Variants in TENT2 observed in about 807,000 individuals in gnomAD.
The protein encoded by TENT2 is terminal nucleotidyltransferase 2, also known as poly(A) RNA polymerase GLD2.
In TENT2, 44 loss-of-function variants were observed where a neutral mutation model predicts 72.2. The observed-to-expected ratio is 0.61, with a 90% CI of 0.48 to 0.78. TENT2 has a LOEUF of 0.78. Among genes scored for constraint, TENT2 ranks in the 30% least tolerant of loss-of-function variants. The probability of loss-of-function intolerance (pLI) is 0.00; values close to 1 mark genes in which losing one functional copy is unlikely to be tolerated. For missense variants in TENT2, 541 were observed against 569.6 expected, an observed-to-expected ratio of 0.95 and a Z score of 0.51; for synonymous variants, 212 against 192.5, an observed-to-expected ratio of 1.10 and a Z score of -0.84.
At chr5:79,660,216 CTG>C (rs142736764) in intron 11 of TENT2, among the ~76,000 whole-genome samples, 2,772 of 152,148 alleles carry the variant, frequency 0.018, 94 homozygotes, top group African/African-American at 0.061. Context: ...TCTCTAAAAA[CTG>C]TATTATAGTA....
intron 11 of TENT2, among the ~76,000 whole-genome samples, chr5:79,668,008 G>C (rs1352788113): frequency 1.3e-5 from 2 of 149,356 alleles, no homozygotes; most frequent in African/African-American, 4.9e-5. Flanking sequence ...AACCATCCTT[G>C]ATGGCACTGT....
intron 11 of TENT2, among the ~76,000 whole-genome samples, chr5:79,662,509 C>T (rs1027754165): frequency 6.6e-6 from 1 of 152,090 alleles, no homozygotes; most frequent in Non-Finnish European, 1.5e-5. Flanking sequence ...ATGAAAATTA[C>T]TCCTTGATCC....
chr5:79,621,485 G>A (rs1330586955), intron 3 of TENT2, among the ~76,000 whole-genome samples: 4 of 152,054 alleles, frequency 2.6e-5, no homozygotes, highest in Non-Finnish European at 4.4e-5. Flanking sequence ...TAGGCCGGGC[G>A]CAGTGGCTCA....
intron 5 of TENT2, 23 bp from the exon 6 acceptor site, chr5:79,641,082 A>G (rs1580369094): frequency 3.2e-6 from 5 of 1,545,288 alleles, no homozygotes; most frequent in Middle Eastern, 1.7e-4. Context: ...AAATACTCTT[A>G]TTACTTTCTT....
intron 1 of TENT2, among the ~76,000 whole-genome samples, chr5:79,617,199 T>C (rs1760936598): frequency 6.6e-6 from 1 of 151,416 alleles, no homozygotes; most frequent in Non-Finnish European, 1.5e-5. Context: ...AATGAGAATT[T>C]AGCACTTTTT....
At chr5:79,651,092 G>GA (rs917793130) in intron 10 of TENT2, among the ~76,000 whole-genome samples, 1 of 151,436 alleles carries the variant, frequency 6.6e-6, no homozygotes, top group Non-Finnish European at 1.5e-5. Flanking sequence ...AAAGTGGACA[G>GA]AAAAAAAATA....
At chr5:79,671,452 T>A (rs1373453730) in intron 12 of TENT2, among the ~76,000 whole-genome samples, 1 of 151,918 alleles carries the variant, frequency 6.6e-6, no homozygotes, top group African/African-American at 2.4e-5. Flanking sequence ...TTGCCCAGGC[T>A]GGAGTGCAGT....
chr5:79,669,484 TTTTTC>T (rs1811188393), intron 12 of TENT2, among the ~76,000 whole-genome samples: 2 of 152,170 alleles, frequency 1.3e-5, no homozygotes, highest in African/African-American at 4.8e-5. Flanking sequence ...GTCTTTTCCT[TTTTTC>T]TTTTCTTTTT....
Position 79,655,929 on chromosome 5 carries a change from A to G in TENT2, c.1028-1029A>G, listed in dbSNP as rs192201501. On this transcript the variant is annotated intron_variant, in intron 10 of 14. Transcript: ENST00000453514. ...TATACCCTTTTAATTATAGTTGGAG[A>G]CCGTGTAAGTTGGTCATAATGGTTC... 3.9e-4 allele frequency among the ~76,000 whole-genome samples: 60 copies of G among 151,952 alleles called. No homozygotes were observed. In the Middle Eastern group the frequency reaches 0.021, roughly 52 times the overall value.
intron 1 of TENT2, among the ~76,000 whole-genome samples, chr5:79,615,799 G>A (rs906358830): frequency 1.3e-5 from 2 of 150,108 alleles, no homozygotes; most frequent in South Asian, 2.1e-4. Context: ...TCCAACCTCC[G>A]TCTCCCTGGC....
rs547293419 is a variant in TENT2, at chr5:79,643,345, A to G, written c.751+435A>G. Among the ~76,000 whole-genome samples, 4 of 152,326 alleles carry G rather than the reference A, an allele frequency of 2.6e-5. No individual in the cohort carries two copies. The South Asian group carries it at 6.2e-4, about 24-fold the overall frequency. On this transcript the variant is annotated intron_variant, in intron 7 of 14. Coordinates refer to ENST00000453514, the MANE Select transcript of TENT2 (RefSeq NM_001114394.3). ...TGTTTTAAAAATATCATCACTGAAC[A>G]TGAGACCTAAATGTATTACTTCAAC...
At chr5:79,645,319 T>C in intron 8 of TENT2, 127 bp downstream of exon 8, 1 of 745,958 alleles carries the variant, frequency 1.3e-6, no homozygotes, top group Non-Finnish European at 2.0e-6. Flanking sequence ...TTAGAAATCA[T>C]TTGACTTGGT....
chr5:79,624,909 CTT>C (rs1472876570), intron 4 of TENT2, among the ~76,000 whole-genome samples: 3 of 152,162 alleles, frequency 2.0e-5, no homozygotes, highest in Middle Eastern at 3.2e-3. Flanking sequence ...TTTCACCTCT[CTT>C]GGAGTGAAAT....
intron 12 of TENT2, among the ~76,000 whole-genome samples, chr5:79,670,905 A>C (rs1177299203): frequency 6.6e-6 from 1 of 151,402 alleles, no homozygotes; most frequent in African/African-American, 2.4e-5. Flanking sequence ...GAGAGTTGGG[A>C]TTCACTTTCA....
At chr5:79,640,261 A>C (rs545354906) in intron 4 of TENT2, among the ~76,000 whole-genome samples, 1 of 152,116 alleles carries the variant, frequency 6.6e-6, no homozygotes, top group East Asian at 1.9e-4. Flanking sequence ...GTCTCAAAAA[A>C]AAAAAAAAAA....
rs915895543 is a variant in TENT2 at position 79,612,873 on chromosome 5, A to T, written c.-240A>T. 2.0e-5 allele frequency: 3 copies of T among 152,312 alleles called. No homozygotes were observed. Among genetic ancestry groups the T allele is most frequent in the African/African-American group, 7.2e-5 (3 of 41,430 alleles). 9.4% of individuals were successfully genotyped at this position (152,312 alleles called of 1,614,324 possible). ...ACGGTAGCGTTTTGTTTTGCGTGGG[A>T]GGTTCCAGCAGTATCTCTTGGTTAT... On this transcript the variant is annotated 5_prime_UTR_variant, in exon 1 of 15. Coordinates refer to ENST00000453514, the MANE Select transcript of TENT2 (RefSeq NM_001114394.3).
chr5:79,657,104 C>A, intron 11 of TENT2, 103 bp downstream of exon 11: 1 of 719,546 alleles, frequency 1.4e-6, no homozygotes, highest in South Asian at 2.2e-5. Context: ...AGGCTAAGTA[C>A]ATGATAACAT....
At chr5:79,676,782 T>G (rs998664132) in intron 12 of TENT2, among the ~76,000 whole-genome samples, 1 of 152,200 alleles carries the variant, frequency 6.6e-6, no homozygotes, top group Non-Finnish European at 1.5e-5. Flanking sequence ...CTGAAACATC[T>G]CTCTTGTGTA....
At chr5:79,683,820 TGAGG>T (rs1371881708) in intron 14 of TENT2, among the ~76,000 whole-genome samples, 6 of 138,306 alleles carry the variant, frequency 4.3e-5, no homozygotes, top group African/African-American at 1.1e-4. Flanking sequence ...CTTGGGAGGC[TGAGG>T]GAGGCAGGAG....
Sources: gnomAD v4.1 joint callset for allele counts (sites outside exome capture counted in the v4.1 genomes callset) on GRCh38, gnomAD v4.1.1 for gene constraint, MANE v1.5 for transcripts, NCBI Gene and HGNC (gene_info 2026-07-23, HGNC 2026-07-21) for gene names.